The following NFXL1 variants were observed in gnomAD, a reference collection of about 807,000 sequenced individuals.
NFXL1 encodes the protein nuclear transcription factor, X-box binding like 1.
NFXL1 carries 66 observed loss-of-function variants against 123.3 expected under a neutral mutation model. That is an observed-to-expected ratio of 0.54 (90% confidence interval 0.44 to 0.66). The LOEUF (loss-of-function observed/expected upper bound fraction) is 0.66. Among genes scored for constraint, NFXL1 ranks in the 30% least tolerant of loss-of-function variants. The pLI is 0.00. For synonymous variants in NFXL1, 346 were observed against 360.8 expected (o/e 0.96, Z 0.46); for missense variants, 944 against 1,125.6 (o/e 0.84, Z 2.31).
In NFXL1 at chr4:47,885,538, G is replaced by A. The variant is rs1007189493; in HGVS notation, c.1784C>T (p.Ala595Val). 1.9e-6 allele frequency: 3 copies of A among 1,613,530 alleles called. No homozygotes were observed. Among genetic ancestry groups the A allele is most frequent in the Admixed American group, 1.7e-5 (1 of 60,020 alleles). ...VLEKCGHLCP[A>V]PCHDQALIKQ... is the part of the protein sequence containing the mutation. ...TATTAATGCTTGATCATGACACGGA[G>A]CAGGACACAAGTGACCACATTTCTC... Residue 595 changes from alanine (A) to valine (V), a missense_variant, in exon 14 of 23, where the codon GCT (alanine) becomes GTT (valine). Physicochemically the swap from Ala to Val is moderately conservative, Grantham distance 64 (BLOSUM62 0). This residue lies in a region of NFXL1 where 44 missense variants were observed against 90.4 expected (regional missense o/e 0.49). Transcript: ENST00000507489.
rs576777617 is a variant in NFXL1 at position 47,911,081 on chromosome 4, C to T, written c.236-87G>A. ...TGCTAATATATCATTTTACAACACA[C>T]ATTTGAAAGTCACCTTTGGAGCATT... On this transcript the variant is annotated intron_variant, in intron 2 of 22. Transcript: ENST00000507489. The T allele has an allele frequency of 1.4e-3, 996 of 719,308 alleles. 2 individuals carry two copies. Among genetic ancestry groups the T allele is most frequent in the Non-Finnish European group, 2.0e-3 (954 of 468,690 alleles). 44.6% of individuals were successfully genotyped at this position (719,308 alleles called of 1,614,324 possible). A position where few individuals can be genotyped will look rare whatever the true frequency, so the allele number is the denominator to read the frequency against.
chr4:47,848,947 A>T (rs1455901542), intron 22 of NFXL1, among the ~76,000 whole-genome samples: 1 of 152,122 alleles, frequency 6.6e-6, no homozygotes, highest in Admixed American at 6.6e-5. Flanking sequence ...GGATGCTCTA[A>T]AATATAGACA....
chr4:47,911,690 C>G (rs981036028), intron 2 of NFXL1, among the ~76,000 whole-genome samples: 1 of 152,174 alleles, frequency 6.6e-6, no homozygotes, highest in East Asian at 1.9e-4. Flanking sequence ...ATTTTGGATT[C>G]GTTCTTCCAC....
intron 15 of NFXL1, chr4:47,882,346 G>A (rs1397834850): frequency 6.6e-6 from 1 of 152,186 alleles, no homozygotes; most frequent in Non-Finnish European, 1.5e-5. Flanking sequence ...AAAGGAAAAG[G>A]TGATGATGAT....
intron 16 of NFXL1, 159 bp from the exon 17 acceptor site, chr4:47,878,824 A>T (rs904423980): frequency 1.8e-6 from 1 of 546,030 alleles, no homozygotes; most frequent in Non-Finnish European, 3.0e-6. Flanking sequence ...TAACCTGTCA[A>T]AATATTTCAA....
At position 47,899,463 on chromosome 4, in the gene NFXL1, C is replaced by A; in HGVS notation, c.733G>T (p.Asp245Tyr). Residue 245 changes from aspartate (D) to tyrosine (Y), a missense_variant, in exon 6 of 23, where the codon GAT becomes TAT. Transcript: ENST00000507489. ...CATGAATGAGGCACAAGCCACGGAT[C>A]TAAAGGTGGATCTTCTACTTTTCCA... is the stretch of plus-strand genomic sequence containing the variant. ...YCGKVEDPPLDPWLVPHSCGQ... is the reference protein window; with the variant it reads ...YCGKVEDPPLYPWLVPHSCGQ... 6.2e-7 allele frequency: 1 copy of A among 1,613,492 alleles called. No homozygotes were observed. Among genetic ancestry groups the A allele is most frequent in the Non-Finnish European group, 8.5e-7 (1 of 1,179,456 alleles).
intron 18 of NFXL1, among the ~76,000 whole-genome samples, chr4:47,868,035 G>C (rs1193385047): frequency 1.3e-5 from 2 of 152,166 alleles, no homozygotes; most frequent in Admixed American, 6.5e-5. Flanking sequence ...GAAAAAAAGG[G>C]CTGGGCGCAG....
intron 15 of NFXL1, among the ~76,000 whole-genome samples, chr4:47,880,189 A>T (rs1322520243): frequency 6.6e-6 from 1 of 152,046 alleles, no homozygotes; most frequent in Non-Finnish European, 1.5e-5. Context: ...TGAGCACAGG[A>T]GTTTCAAGCC....
chr4:47,874,988 T>C (rs572087811), intron 18 of NFXL1, 139 bp downstream of exon 18: 44 of 473,720 alleles, frequency 9.3e-5, no homozygotes, highest in African/African-American at 7.9e-4. Flanking sequence ...GTATTCTACA[T>C]GTCTTCCTTC....
intron 2 of NFXL1, 139 bp downstream of exon 2, chr4:47,913,830 C>T: frequency 3.6e-6 from 2 of 557,766 alleles, no homozygotes; most frequent in East Asian, 3.1e-5. Flanking sequence ...ACCCGAAAGG[C>T]TGGAGAAGTG....
At chr4:47,889,387 G>C (rs1379506192) in intron 12 of NFXL1, among the ~76,000 whole-genome samples, 1 of 152,138 alleles carries the variant, frequency 6.6e-6, no homozygotes, top group Non-Finnish European at 1.5e-5. Flanking sequence ...AATGTCTACA[G>C]GGTAAATAGA....
At chr4:47,905,035 T>C (rs1183572541) in intron 4 of NFXL1, among the ~76,000 whole-genome samples, 2 of 152,338 alleles carry the variant, frequency 1.3e-5, no homozygotes, top group Middle Eastern at 3.4e-3. Context: ...ATATCAATAG[T>C]GCTAAAAATA....
At chr4:47,852,593 T>C (rs1734184807) in intron 20 of NFXL1, among the ~76,000 whole-genome samples, 1 of 152,068 alleles carries the variant, frequency 6.6e-6, no homozygotes, top group African/African-American at 2.4e-5. Context: ...CTAAAGCTTA[T>C]GTTGGCACTT....
rs1733904514 is a variant in NFXL1, at chr4:47,847,954, A to ATGC, written c.*206_*208dup. 1 of 273,098 alleles carries ATGC rather than the reference A, an allele frequency of 3.7e-6. No individual in the cohort carries two copies. Among genetic ancestry groups the ATGC allele is most frequent in the Non-Finnish European group, 6.0e-6 (1 of 168,022 alleles). 16.9% of individuals were successfully genotyped at this position (273,098 alleles called of 1,614,324 possible). On this transcript the variant is annotated 3_prime_UTR_variant, in exon 23 of 23. Transcript: ENST00000507489. ...CTTATGAAATATTTTAGTTTCAGTC[A>ATGC]TGCCTTCACTTTAAAACAGTATTAT...
At chr4:47,904,746 C>T (rs543572710) in intron 4 of NFXL1, among the ~76,000 whole-genome samples, 1 of 152,306 alleles carries the variant, frequency 6.6e-6, no homozygotes, top group South Asian at 2.1e-4. Context: ...TTTATCACTA[C>T]GCCATATCTC....
chr4:47,857,342 G>T (rs548568885), intron 19 of NFXL1, among the ~76,000 whole-genome samples: 1 of 152,180 alleles, frequency 6.6e-6, no homozygotes, highest in East Asian at 1.9e-4. Flanking sequence ...TTAAATCAAT[G>T]ATTCTATAGG....
chr4:47,850,153 TC>T (rs1041235594), intron 22 of NFXL1, among the ~76,000 whole-genome samples: 15 of 152,104 alleles, frequency 9.9e-5, no homozygotes, highest in Admixed American at 9.2e-4. Flanking sequence ...ACTAAACTAT[TC>T]TTAATAACTT....
intron 2 of NFXL1, among the ~76,000 whole-genome samples, chr4:47,912,942 G>A (rs13103473): frequency 6.7e-6 from 1 of 148,742 alleles, no homozygotes; most frequent in East Asian, 2.0e-4. Flanking sequence ...GAACCCAGGA[G>A]GCAGAGCTTG....
Position 47,894,244 on chromosome 4 carries a change from G to A in NFXL1, c.1388C>T (p.Pro463Leu), listed in dbSNP as rs1736945256. Residue 463 changes from proline to leucine, a missense_variant, in exon 11 of 23, where the codon CCT (proline) becomes CTT (leucine). Physicochemically the swap from Pro to Leu is moderately conservative, Grantham distance 98. Transcript: ENST00000507489. ...KHTKRMPCHK[P>L]YLCETKCVKM... ...AACACACTTAGTTTCACACAGATAA[G>A]GTTTATGACAAGGCATTCGTTTTGT... 1 of 1,605,104 alleles carries A rather than the reference G, an allele frequency of 6.2e-7. No homozygotes were observed.
Sources: allele counts gnomAD v4.1 joint callset (sites outside exome capture counted in the v4.1 genomes callset), GRCh38; gene constraint gnomAD v4.1.1; regional missense constraint gnomAD v4.1.1; transcripts MANE v1.5; gene names NCBI Gene and HGNC (gene_info 2026-07-23, HGNC 2026-07-21).